STXBP5: variants seen among roughly 807,000 people sequenced by gnomAD.
STXBP5 encodes syntaxin binding protein 5, also known as syntaxin-binding protein 5.
In STXBP5, 50 loss-of-function variants were observed where a neutral mutation model predicts 152.4. That is an observed-to-expected ratio of 0.33 (90% CI 0.26 to 0.42). STXBP5 has a LOEUF of 0.42. Ranked by LOEUF, STXBP5 falls within the 10% of genes least tolerant of loss-of-function variation. The probability of loss-of-function intolerance (pLI) is 1.00; values close to 1 mark genes in which losing one functional copy is unlikely to be tolerated. For synonymous variants in STXBP5, 492 were observed against 494.7 expected (o/e 0.99, Z 0.07); for missense variants, 1,167 against 1,388.6 (o/e 0.84, Z 2.54).
At chr6:147,251,689 T>C (rs182073197) in intron 4 of STXBP5, among the ~76,000 whole-genome samples, 310 of 152,360 alleles carry the variant, frequency 2.0e-3, no homozygotes, top group African/African-American at 7.2e-3. Context: ...CGTTCCTGCC[T>C]GCCGGCTCTG....
Position 147,384,897 on chromosome 6 carries a change from C to G in STXBP5, c.*142C>G, listed in dbSNP as rs1583023247. The stretch of plus-strand genomic sequence containing the variant: ...CTAGCACAGTCATGCACTGTTTTAC[C>G]TCAGTCATGTGGCTTTAACTGAGGA... On this transcript the variant is annotated 3_prime_UTR_variant, in exon 28 of 28. Coordinates refer to ENST00000321680, the MANE Select transcript of STXBP5 (RefSeq NM_001127715.4). 1.1e-5 allele frequency: 9 copies of G among 841,210 alleles called. No homozygotes were observed. The East Asian group carries it at 2.2e-4, about 21-fold the overall frequency. 52.1% of individuals were successfully genotyped at this position (841,210 alleles called of 1,614,324 possible).
intron 25 of STXBP5, among the ~76,000 whole-genome samples, chr6:147,371,079 A>G (rs191883756): frequency 1.8e-3 from 271 of 152,172 alleles, no homozygotes; most frequent in African/African-American, 6.4e-3. Context: ...CTGAATATTT[A>G]TATTTTAGAA....
At chr6:147,375,840 C>T (rs1174039634) in intron 26 of STXBP5, among the ~76,000 whole-genome samples, 4 of 151,884 alleles carry the variant, frequency 2.6e-5, no homozygotes. Flanking sequence ...GAGACTGATA[C>T]ATGACTTCTC....
At chr6:147,244,057 G>A (rs1467905639) in intron 4 of STXBP5, among the ~76,000 whole-genome samples, 2 of 150,942 alleles carry the variant, frequency 1.3e-5, no homozygotes, top group Admixed American at 6.6e-5. Flanking sequence ...AATATTTGGG[G>A]GAAAAATAAA....
chr6:147,291,857 A>G (rs931327501), intron 9 of STXBP5, among the ~76,000 whole-genome samples: 1 of 151,944 alleles, frequency 6.6e-6, no homozygotes, highest in African/African-American at 2.4e-5. Flanking sequence ...TTTATTTACT[A>G]TGGCTTTTAT....
intron 19 of STXBP5, among the ~76,000 whole-genome samples, chr6:147,335,334 T>G (rs1365292809): frequency 6.6e-6 from 1 of 152,212 alleles, no homozygotes; most frequent in African/African-American, 2.4e-5. Context: ...TAATATCTTT[T>G]AGTTCTTACT....
At chr6:147,264,091 AAATT>A in intron 6 of STXBP5, among the ~76,000 whole-genome samples, 1 of 151,140 alleles carries the variant, frequency 6.6e-6, no homozygotes. Flanking sequence ...TATATATATA[AAATT>A]TAAAAAATAT....
intron 7 of STXBP5, among the ~76,000 whole-genome samples, chr6:147,272,327 C>CAGAT (rs538943791): frequency 7.8e-4 from 119 of 152,288 alleles, no homozygotes; most frequent in Non-Finnish European, 1.0e-3. Context: ...TTGGTGAACA[C>CAGAT]AGATGCCTAA....
chr6:147,305,105 G>A (rs1782021161), intron 9 of STXBP5, among the ~76,000 whole-genome samples: 1 of 152,124 alleles, frequency 6.6e-6, no homozygotes, highest in African/African-American at 2.4e-5. Context: ...TGGCTGTAAA[G>A]AGTTCCTGTG....
intron 19 of STXBP5, among the ~76,000 whole-genome samples, chr6:147,337,214 C>CACACACACACACACACAA (rs150169446): frequency 0.029 from 4,328 of 147,264 alleles, 194 homozygotes; most frequent in African/African-American, 0.085. Context: ...CACACACACA[C>CACACACACACACACACAA]AAGAAGTCAT....
chr6:147,281,619 A>G (rs527676538), intron 8 of STXBP5, among the ~76,000 whole-genome samples: 1 of 152,192 alleles, frequency 6.6e-6, no homozygotes, highest in South Asian at 2.1e-4. Flanking sequence ...ACTTTTTCTT[A>G]TTTAAGTTCA....
intron 22 of STXBP5, among the ~76,000 whole-genome samples, chr6:147,354,474 A>G (rs1582987851): frequency 1.3e-5 from 2 of 152,212 alleles, no homozygotes; most frequent in Non-Finnish European, 2.9e-5. Context: ...CAAAAAAAAA[A>G]AACAGGTATA....
rs34913817 is a variant in STXBP5, at chr6:147,329,617, C to CTTTTTTTTTTTTTTTTT, written c.2080+2351_2080+2367dup. 5.6e-5 allele frequency among the ~76,000 whole-genome samples: 4 copies of CTTTTTTTTTTTTTTTTT among 71,708 alleles called. 1 individual carries two copies. Among genetic ancestry groups the CTTTTTTTTTTTTTTTTT allele is most frequent in the East Asian group, 5.1e-4 (1 of 1,968 alleles). The allele number at this position is 71,708 out of a possible 152,430, so 47.0% of individuals were successfully genotyped here. A position where few individuals can be genotyped will look rare whatever the true frequency, so the allele number is the denominator to read the frequency against. Reference sequence around the variant, plus strand: ...AAATATCATCAAATTGTTCTTCAGGCTTTTTTTTTTTTTTTTTTTTTTTTT... The same window carrying CTTTTTTTTTTTTTTTTT: ...AAATATCATCAAATTGTTCTTCAGGCTTTTTTTTTTTTTTTTTTTTTTTTTTTTTTTTTTTTTTTTTT... On this transcript the variant is annotated intron_variant, in intron 18 of 27. Coordinates refer to ENST00000321680, the MANE Select transcript of STXBP5 (RefSeq NM_001127715.4).
intron 21 of STXBP5, among the ~76,000 whole-genome samples, chr6:147,342,469 A>C (rs550003189): frequency 6.6e-6 from 1 of 152,252 alleles, no homozygotes; most frequent in Non-Finnish European, 1.5e-5. Flanking sequence ...CAGCAAAAAC[A>C]TAACAGAATA....
chr6:147,302,676 A>G (rs1373601571), intron 9 of STXBP5, among the ~76,000 whole-genome samples: 2 of 152,110 alleles, frequency 1.3e-5, no homozygotes, highest in African/African-American at 2.4e-5. Flanking sequence ...TTAGCCAGGC[A>G]TGGTGGCATG....
chr6:147,291,195 A>G (rs1296020251), intron 9 of STXBP5, 23 bp downstream of exon 9: 7 of 1,594,666 alleles, frequency 4.4e-6, no homozygotes, highest in South Asian at 1.1e-5. Flanking sequence ...TTCATTGCCA[A>G]TGTTCATTGT....
chr6:147,218,396 A>G (rs1777288168), intron 2 of STXBP5, among the ~76,000 whole-genome samples: 1 of 152,186 alleles, frequency 6.6e-6, no homozygotes, highest in African/African-American at 2.4e-5. Context: ...GGGTGCTAAT[A>G]TAAATTTCAA....
chr6:147,262,585 A>G (rs1050287766), intron 6 of STXBP5, among the ~76,000 whole-genome samples: 1 of 152,012 alleles, frequency 6.6e-6, no homozygotes, highest in African/African-American at 2.4e-5. Context: ...CTTAATGCAT[A>G]TAATTACAGG....
intron 8 of STXBP5, among the ~76,000 whole-genome samples, chr6:147,288,831 A>G (rs1171682683): frequency 2.6e-5 from 4 of 152,176 alleles, no homozygotes; most frequent in Non-Finnish European, 4.4e-5. Flanking sequence ...CAACTTGGAA[A>G]ACAAGTGCAG....
Sources: gnomAD v4.1 joint callset for allele counts (sites outside exome capture counted in the v4.1 genomes callset) on GRCh38, gnomAD v4.1.1 for gene constraint, MANE v1.5 for transcripts, NCBI Gene and HGNC (gene_info 2026-07-23, HGNC 2026-07-21) for gene names.